Variants in KIAA1549L observed in about 807,000 individuals in gnomAD.
KIAA1549L encodes UPF0606 protein KIAA1549L.
In KIAA1549L, 88 loss-of-function variants were observed where a neutral mutation model predicts 160.7. That is an observed-to-expected ratio of 0.55 (90% CI 0.46 to 0.65). The LOEUF (loss-of-function observed/expected upper bound fraction) is 0.65. Ranked by LOEUF, KIAA1549L falls within the 30% of genes least tolerant of loss-of-function variation. KIAA1549L has a pLI of 0.00. For missense variants in KIAA1549L, 2,258 were observed against 2,437.5 expected (o/e 0.93, Z 1.55); for synonymous variants, 950 against 976.7 (o/e 0.97, Z 0.51).
chr11:33,535,592 AG>A (rs1451210043), intron 1 of KIAA1549L, among the ~76,000 whole-genome samples: 11 of 152,076 alleles, frequency 7.2e-5, no homozygotes, highest in Admixed American at 1.3e-4. Context: ...GGAACCCTTG[AG>A]TCCAAAAGAT....
intron 16 of KIAA1549L, among the ~76,000 whole-genome samples, chr11:33,626,131 G>A (rs1275709763): frequency 9.4e-5 from 14 of 148,632 alleles, no homozygotes; most frequent in African/African-American, 3.3e-4. Flanking sequence ...CTCTGTTTTG[G>A]TACCAGTACC....
rs763262444 is a variant in KIAA1549L, at chr11:33,609,969, GC to G, written c.5279+4del. The G allele has an allele frequency of 1.4e-5, 23 of 1,611,946 alleles. No homozygotes were observed. The highest frequency in any genetic ancestry group is 2.0e-5 in the Non-Finnish European group (23 of 1,178,410). On this transcript the variant is annotated splice_donor_region_variant and intron_variant, in intron 15 of 20. Coordinates refer to ENST00000658780, the MANE Select transcript of KIAA1549L (RefSeq NM_012194.3). Reference sequence around the variant, plus strand: ...CCATTCACCGAGTCTAAAAACAGGTGCAGTCTCTAAGGGATTCTGTAAAGGG... The same window carrying G: ...CCATTCACCGAGTCTAAAAACAGGTGAGTCTCTAAGGGATTCTGTAAAGGG...
chr11:33,517,140 A>G (rs762795117), intron 1 of KIAA1549L, among the ~76,000 whole-genome samples: 5 of 152,316 alleles, frequency 3.3e-5, no homozygotes, highest in Middle Eastern at 3.4e-3. Flanking sequence ...TGACGATGCT[A>G]GGGTATGTCT....
chr11:33,615,915 C>G (rs1397005737), intron 15 of KIAA1549L, among the ~76,000 whole-genome samples: 3 of 152,184 alleles, frequency 2.0e-5, no homozygotes. Flanking sequence ...GAATTCCTCT[C>G]GAGTCTGCAG....
At chr11:33,499,428 C>G (rs1590290682) in intron 1 of KIAA1549L, among the ~76,000 whole-genome samples, 1 of 152,296 alleles carries the variant, frequency 6.6e-6, no homozygotes, top group Non-Finnish European at 1.5e-5. Context: ...GATTTGTGTT[C>G]TCACACTAGA....
chr11:33,524,670 A>G (rs890753053), intron 1 of KIAA1549L, among the ~76,000 whole-genome samples: 1 of 152,208 alleles, frequency 6.6e-6, no homozygotes, highest in Non-Finnish European at 1.5e-5. Flanking sequence ...GACTTAAAAA[A>G]TATGTATAAA....
At chr11:33,612,523 C>CT (rs1564923686) in intron 15 of KIAA1549L, among the ~76,000 whole-genome samples, 1 of 152,118 alleles carries the variant, frequency 6.6e-6, no homozygotes, top group Non-Finnish European at 1.5e-5. Context: ...TTCCAGAGTG[C>CT]TGGGATTACA....
Position 33,656,063 on chromosome 11 carries a change from C to T in KIAA1549L, c.5812C>T (p.Pro1938Ser), listed in dbSNP as rs1202420338. ...PEMVMGSPPP[P>S]VPPRTGPVAV... ...GATGGTCATGGGCTCACCGCCTCCA[C>T]CCGTACCTCCCCGGACTGGTCCTGT... The change falls in exon 18 of 21, where the codon CCC becomes TCC. Residue 1938 changes from proline to serine, a missense_variant. Around this residue, in one of 6 missense-constraint regions of KIAA1549L, gnomAD observed 1,359 missense variants for 1,546.6 expected, o/e 0.88. Coordinates refer to ENST00000658780, the MANE Select transcript of KIAA1549L (RefSeq NM_012194.3). 2 of 1,613,934 alleles carry T rather than the reference C, an allele frequency of 1.2e-6. No individual in the cohort carries two copies. Among genetic ancestry groups the T allele is most frequent in the Non-Finnish European group, 1.7e-6 (2 of 1,179,838 alleles).
At chr11:33,643,750 T>C (rs1418540579) in intron 16 of KIAA1549L, among the ~76,000 whole-genome samples, 3 of 152,194 alleles carry the variant, frequency 2.0e-5, no homozygotes, top group African/African-American at 7.2e-5. Context: ...ATATGTAAAA[T>C]GGGGCTTGAG....
chr11:33,561,540 AAGGACCACTTGAGCCC>A (rs1413120338), intron 7 of KIAA1549L, 120 bp from the exon 8 acceptor site: 8 of 698,914 alleles, frequency 1.1e-5, no homozygotes, highest in Non-Finnish European at 1.8e-5. Context: ...GCTTAGGTGC[AAGGACCACTTGAGCCC>A]AGGAGTTCAA....
chr11:33,463,486 G>A (rs943020889), intron 1 of KIAA1549L, among the ~76,000 whole-genome samples: 9 of 151,930 alleles, frequency 5.9e-5, no homozygotes, highest in African/African-American at 9.7e-5. Context: ...AAATACCAAC[G>A]TCTTGGGTGA....
At chr11:33,509,040 G>T (rs187510805) in intron 1 of KIAA1549L, among the ~76,000 whole-genome samples, 1 of 152,230 alleles carries the variant, frequency 6.6e-6, no homozygotes, top group African/African-American at 2.4e-5. Context: ...AGTGGGTTTT[G>T]CCACCTTTTC....
chr11:33,585,111 G>A lies in KIAA1549L; in HGVS notation c.4566+1610G>A, dbSNP rs574114490. Reference sequence around the variant, plus strand: ...CTACTGAAGAGCCAAATGCCAAAGCGAGTTGTTCTGTTTCAGTTGACACAA... The same window carrying A: ...CTACTGAAGAGCCAAATGCCAAAGCAAGTTGTTCTGTTTCAGTTGACACAA... On this transcript the variant is annotated intron_variant, in intron 11 of 20. Transcript: ENST00000658780. 1.4e-4 allele frequency among the ~76,000 whole-genome samples: 21 copies of A among 152,314 alleles called. No homozygotes were observed. The South Asian group carries it at 1.5e-3, about 11-fold the overall frequency.
intron 1 of KIAA1549L, among the ~76,000 whole-genome samples, chr11:33,497,689 A>G (rs1337820095): frequency 1.3e-5 from 2 of 152,368 alleles, no homozygotes; most frequent in East Asian, 1.9e-4. Context: ...AAATCAAAAT[A>G]TAAAAAAGAA....
chr11:33,541,541 T>G (rs1350487136), intron 1 of KIAA1549L, among the ~76,000 whole-genome samples: 1 of 152,236 alleles, frequency 6.6e-6, no homozygotes, highest in East Asian at 1.9e-4. Context: ...CAAAACAATT[T>G]TTTAATACAC....
chr11:33,401,476 C>T (rs1166461711), intron 1 of KIAA1549L, among the ~76,000 whole-genome samples: 1 of 151,814 alleles, frequency 6.6e-6, no homozygotes, highest in East Asian at 1.9e-4. Context: ...TTTAACCTCC[C>T]TCCAGACACC....
intron 1 of KIAA1549L, among the ~76,000 whole-genome samples, chr11:33,389,683 G>A (rs1381417041): frequency 6.6e-6 from 1 of 152,228 alleles, no homozygotes; most frequent in Non-Finnish European, 1.5e-5. Flanking sequence ...TTTTAAACAA[G>A]TGTTTTCCAT....
chr11:33,643,814 T>C (rs1590432567), intron 16 of KIAA1549L, among the ~76,000 whole-genome samples: 1 of 152,360 alleles, frequency 6.6e-6, no homozygotes, highest in East Asian at 1.9e-4. Context: ...CTGAATGTTC[T>C]ATGCATTGTG....
intron 1 of KIAA1549L, among the ~76,000 whole-genome samples, chr11:33,407,081 ATTTT>A (rs750670251): frequency 5.3e-4 from 53 of 100,134 alleles, no homozygotes; most frequent in African/African-American, 1.2e-3. Context: ...TTCTTTTTTC[ATTTT>A]TTTTTTTTTT....
Sources: allele counts gnomAD v4.1 joint callset (sites outside exome capture counted in the v4.1 genomes callset), GRCh38; gene constraint gnomAD v4.1.1; regional missense constraint gnomAD v4.1.1; transcripts MANE v1.5; gene names NCBI Gene and HGNC (gene_info 2026-07-23, HGNC 2026-07-21).